The following MAP7D2 variants were observed in gnomAD, a reference collection of about 807,000 sequenced individuals.
MAP7D2 encodes the protein MAP7 domain-containing protein 2.
Under a neutral mutation model 63.5 loss-of-function variants are expected in MAP7D2, and 33 were observed. That is an observed-to-expected ratio of 0.52 (90% confidence interval 0.39 to 0.70). The LOEUF (loss-of-function observed/expected upper bound fraction) is 0.70. MAP7D2 is among the 30% of genes least tolerant of loss of function. The pLI is 0.00. For synonymous variants in MAP7D2, 224 were observed against 223.7 expected (o/e 1.00, Z -0.01); for missense variants, 626 against 604.0 (o/e 1.04, Z -0.38).
At chrX:20,018,649 G>T (rs1318330887) in intron 10 of MAP7D2, among the ~76,000 whole-genome samples, 4 of 109,358 alleles carry the variant, frequency 3.7e-5, no homozygotes, top group African/African-American at 1.3e-4. Flanking sequence ...CACCATGTTG[G>T]CCAGGCTGGT....
At chrX:20,032,662 C>T (rs1310004479) in intron 8 of MAP7D2, among the ~76,000 whole-genome samples, 1 of 112,146 alleles carries the variant, frequency 8.9e-6, no homozygotes, top group Non-Finnish European at 1.9e-5. Context: ...TATGATCTAC[C>T]TCTGGAAGTG....
chrX:20,072,833 AT>A (rs2065539603), intron 1 of MAP7D2, among the ~76,000 whole-genome samples: 1 of 112,279 alleles, frequency 8.9e-6, no homozygotes, highest in Non-Finnish European at 1.9e-5. Context: ...ATGTTCAGCC[AT>A]AAAAAAGGAA....
intron 1 of MAP7D2, among the ~76,000 whole-genome samples, chrX:20,107,926 T>C (rs932396140): frequency 8.9e-6 from 1 of 111,934 alleles, no homozygotes; most frequent in Non-Finnish European, 1.9e-5. Flanking sequence ...TTAAAATAAA[T>C]TGAAGAATCA....
chrX:20,012,943 C>A, intron 14 of MAP7D2, 111 bp downstream of exon 14: 1 of 605,007 alleles, frequency 1.7e-6, no homozygotes, highest in Non-Finnish European at 2.7e-6. Context: ...ACTGCACAGG[C>A]CCCTGCCAGC....
At chrX:20,098,353 G>A (rs1353558267) in intron 1 of MAP7D2, among the ~76,000 whole-genome samples, 1 of 112,377 alleles carries the variant, frequency 8.9e-6, no homozygotes, top group African/African-American at 3.2e-5. Context: ...GAGATGAAAG[G>A]GCTCACTATG....
intron 8 of MAP7D2, among the ~76,000 whole-genome samples, chrX:20,027,796 G>C (rs1189082104): frequency 3.8e-5 from 4 of 105,246 alleles, no homozygotes; most frequent in Non-Finnish European, 7.8e-5. Flanking sequence ...GAGAGACAGA[G>C]ACAGACAGAG....
intron 10 of MAP7D2, among the ~76,000 whole-genome samples, chrX:20,018,083 C>G (rs767177616): frequency 1.8e-5 from 2 of 108,860 alleles, no homozygotes; most frequent in South Asian, 8.1e-4. Flanking sequence ...TCTCCTGCCT[C>G]AGCCTCCCAA....
intron 4 of MAP7D2, among the ~76,000 whole-genome samples, chrX:20,053,698 A>C (rs898863821): frequency 1.8e-5 from 2 of 112,050 alleles, no homozygotes; most frequent in African/African-American, 6.5e-5. Flanking sequence ...GCCTGAGGCC[A>C]AAAGAAAAAT....
At chrX:20,112,035 G>C (rs933205166) in intron 1 of MAP7D2, among the ~76,000 whole-genome samples, 1 of 112,188 alleles carries the variant, frequency 8.9e-6, no homozygotes, top group Admixed American at 9.5e-5. Context: ...GCCTCCTGAA[G>C]TGCTAGGATT....
chrX:20,080,547 C>T (rs775857961), intron 1 of MAP7D2, among the ~76,000 whole-genome samples: 28 of 111,038 alleles, frequency 2.5e-4, no homozygotes, highest in Middle Eastern at 4.6e-3. Context: ...GATGGAGAGG[C>T]TCTGACATGC....
chrX:20,069,979 C>T lies in MAP7D2; in HGVS notation c.131-5174G>A, dbSNP rs374320103. ...CTTTTTTCTTTTTGAGACGGAGTCT[C>T]GCTCTGTTGCCCAGGCTGGAGTGCA... On this transcript the variant is annotated intron_variant, in intron 1 of 16. Coordinates refer to ENST00000379643, the MANE Select transcript of MAP7D2 (RefSeq NM_001168465.2). 1.8e-4 allele frequency among the ~76,000 whole-genome samples: 20 copies of T among 111,272 alleles called. No homozygotes were observed. In the South Asian group the frequency reaches 3.0e-3, roughly 17 times the overall value.
rs187295845 is a variant in MAP7D2 at position 20,025,389 on chromosome X, A to G, written c.1279+292T>C. 8.9e-5 allele frequency among the ~76,000 whole-genome samples: 10 copies of G among 112,124 alleles called. No homozygotes were observed. In the East Asian group the frequency reaches 2.8e-3, roughly 31 times the overall value. Reference sequence around the variant, plus strand: ...TGCATCATAGAAGCCTGAAAGTCTAAAGGAAGATCTTCTTTTGCGTGAGGT... The same window carrying G: ...TGCATCATAGAAGCCTGAAAGTCTAGAGGAAGATCTTCTTTTGCGTGAGGT... On this transcript the variant is annotated intron_variant, in intron 9 of 16. Transcript: ENST00000379643.
chrX:20,064,867 T>A, intron 1 of MAP7D2, 62 bp from the exon 2 acceptor site: 1 of 1,000,061 alleles, frequency 1.0e-6, no homozygotes. Flanking sequence ...TGCTAAGTAC[T>A]ATAGGCAACT....
chrX:20,076,264 C>T (rs754723533), intron 1 of MAP7D2, among the ~76,000 whole-genome samples: 1 of 111,534 alleles, frequency 9.0e-6, no homozygotes, highest in African/African-American at 3.3e-5. Context: ...TCACTATTAT[C>T]ACCCAATTCA....
intron 1 of MAP7D2, among the ~76,000 whole-genome samples, chrX:20,109,172 C>T (rs965523913): frequency 4.6e-5 from 5 of 107,861 alleles, no homozygotes; most frequent in Non-Finnish European, 9.6e-5. Flanking sequence ...ACAGCTCATG[C>T]GCGAAAGGAG....
rs754483666 is a variant in MAP7D2 at position 20,042,641 on chromosome X, A to G, written c.880-12T>C. On this transcript the variant is annotated splice_polypyrimidine_tract_variant and intron_variant, in intron 7 of 16. Coordinates refer to ENST00000379643, the MANE Select transcript of MAP7D2 (RefSeq NM_001168465.2). ...TTCACCTTCTCCACCTGTAGGGGACACAGGATAGCCACAGTCCATGACTGG... is the reference window on the plus strand; with the variant it reads ...TTCACCTTCTCCACCTGTAGGGGACGCAGGATAGCCACAGTCCATGACTGG... The G allele has an allele frequency of 1.3e-5, 16 of 1,209,252 alleles. No homozygotes were observed. The highest frequency in any genetic ancestry group is 1.8e-5 in the Non-Finnish European group (16 of 894,859).
intron 1 of MAP7D2, among the ~76,000 whole-genome samples, chrX:20,115,207 T>A (rs1314111594): frequency 1.0e-5 from 1 of 97,272 alleles, no homozygotes; most frequent in Non-Finnish European, 2.1e-5. Flanking sequence ...CCCGCAAAAG[T>A]ACCTCCTCCC....
chrX:20,096,021 G>A (rs927027334), intron 1 of MAP7D2, among the ~76,000 whole-genome samples: 4 of 96,809 alleles, frequency 4.1e-5, no homozygotes, highest in Non-Finnish European at 6.0e-5. Context: ...GACGGAGGTT[G>A]CTGTAAGCCA....
Position 20,042,544 on chromosome X carries a change from G to A in MAP7D2, c.965C>T (p.Ser322Phe). The A allele has an allele frequency of 8.3e-7, 1 of 1,211,348 alleles. No homozygotes were observed. The highest frequency in any genetic ancestry group is 1.1e-6 in the Non-Finnish European group (1 of 895,046). ...FGSPLRRCEF[S>F]GGIPKRPSSP... The stretch of plus-strand genomic sequence containing the variant: ...AGATGGTCTCTTAGGAATGCCTCCA[G>A]AAAACTCACATCTTCTCAGAGGGGA... The change falls in exon 8 of 17, where the codon TCT becomes TTT. Residue 322 changes from serine (S) to phenylalanine (F), a missense_variant. Ser to Phe is a radical substitution (Grantham distance 155, BLOSUM62 -2). Transcript: ENST00000379643.
Sources: gnomAD v4.1 joint callset for allele counts (sites outside exome capture counted in the v4.1 genomes callset) on GRCh38, gnomAD v4.1.1 for gene constraint, MANE v1.5 for transcripts, NCBI Gene and HGNC (gene_info 2026-07-23, HGNC 2026-07-21) for gene names.